IL10RB: variants seen among roughly 807,000 people sequenced by gnomAD.
IL10RB encodes the protein interleukin 10 receptor subunit beta, also known as interleukin-10 receptor subunit beta.
IL10RB carries 30 observed loss-of-function variants against 38.7 expected under a neutral mutation model. The observed-to-expected ratio is 0.78, with a 90% CI of 0.58 to 1.05. IL10RB has a LOEUF of 1.05. Among genes scored for constraint, IL10RB ranks in the 50% least tolerant of loss-of-function variants. IL10RB has a pLI of 0.00. For missense variants in IL10RB, 328 were observed against 397.1 expected, an observed-to-expected ratio of 0.83 and a Z score of 1.48; for synonymous variants, 142 against 145.9, an observed-to-expected ratio of 0.97 and a Z score of 0.19.
At position 33,296,658 on chromosome 21, in the gene IL10RB, G is replaced by A. The variant is rs1010872768; in HGVS notation, c.*301G>A. The A allele has an allele frequency of 2.0e-6, 1 of 495,110 alleles. No individual in the cohort carries two copies. The highest frequency in any genetic ancestry group is 3.9e-6 in the Non-Finnish European group (1 of 257,114). 30.7% of individuals were successfully genotyped at this position (495,110 alleles called of 1,614,324 possible). ...TAAAATAAGATCATGTTTTAATTGT[G>A]AGAAACAGGGCCGAGCACAGTGGCT... On this transcript the variant is annotated 3_prime_UTR_variant, in exon 7 of 7. Coordinates refer to ENST00000290200, the MANE Select transcript of IL10RB (RefSeq NM_000628.5).
intron 1 of IL10RB, 122 bp from the exon 2 acceptor site, chr21:33,268,272 T>G: frequency 6.4e-7 from 1 of 1,563,922 alleles, no homozygotes; most frequent in Non-Finnish European, 8.7e-7. Flanking sequence ...TCTCCCTCCC[T>G]CACCCACGTG....
chr21:33,292,458 G>A (rs752390295), intron 6 of IL10RB, among the ~76,000 whole-genome samples: 5 of 152,084 alleles, frequency 3.3e-5, no homozygotes, highest in African/African-American at 7.2e-5. Flanking sequence ...ACACAGACAC[G>A]GTGCGACAGG....
chr21:33,267,237 C>T (rs982857048), intron 1 of IL10RB, among the ~76,000 whole-genome samples: 2 of 152,014 alleles, frequency 1.3e-5, no homozygotes, highest in Non-Finnish European at 1.5e-5. Context: ...GCTTGGGACC[C>T]TCCTGCTCTG....
At chr21:33,306,024 G>A (rs1200091225) in intron 1 of IL10RB, among the ~76,000 whole-genome samples, 1 of 152,038 alleles carries the variant, frequency 6.6e-6, no homozygotes, top group Non-Finnish European at 1.5e-5. Context: ...TAGAGTAAGT[G>A]TTTTACCATG....
At chr21:33,278,674 C>G (rs1989224647) in intron 3 of IL10RB, among the ~76,000 whole-genome samples, 1 of 152,176 alleles carries the variant, frequency 6.6e-6, no homozygotes, top group South Asian at 2.1e-4. Context: ...CTTCTGTGCT[C>G]TTAGCAACTA....
At position 33,302,836 on chromosome 21, in the gene IL10RB, C is replaced by T. The variant is rs117365268; in HGVS notation, c.130-6140C>T. Among the ~76,000 whole-genome samples the T allele has an allele frequency of 2.4e-3, 365 of 152,270 alleles. 1 individual carries two copies. Among genetic ancestry groups the T allele is most frequent in the Non-Finnish European group, 3.6e-3 (243 of 68,024 alleles). Reference sequence around the variant, plus strand: ...GCCTGTAGACAGGAAATGAGGAGTCCGGCTCCTAGTTAGAATCCCAGGGCT... The same window carrying T: ...GCCTGTAGACAGGAAATGAGGAGTCTGGCTCCTAGTTAGAATCCCAGGGCT... On this transcript the variant is annotated intron_variant, in intron 1 of 1. Coordinates refer to the IL10RB transcript ENST00000609556.
intron 2 of IL10RB, among the ~76,000 whole-genome samples, 165 bp downstream of exon 2, chr21:33,268,682 G>C (rs1339777514): frequency 6.6e-6 from 1 of 152,160 alleles, no homozygotes; most frequent in Non-Finnish European, 1.5e-5. Context: ...GGAAATTCTC[G>C]TGGCCACCTT....
intron 6 of IL10RB, among the ~76,000 whole-genome samples, chr21:33,294,708 A>G (rs1437916699): frequency 6.6e-6 from 1 of 152,202 alleles, no homozygotes; most frequent in East Asian, 1.9e-4. Context: ...CAGAAGGCTG[A>G]GTGTAGAAAT....
At chr21:33,305,215 T>A (rs1239797830) in intron 1 of IL10RB, among the ~76,000 whole-genome samples, 1 of 152,156 alleles carries the variant, frequency 6.6e-6, no homozygotes, top group Non-Finnish European at 1.5e-5. Context: ...CTCAGGTGAT[T>A]ATCCCACCTC....
intron 3 of IL10RB, among the ~76,000 whole-genome samples, chr21:33,277,172 G>A (rs1009501938): frequency 2.0e-5 from 3 of 152,112 alleles, no homozygotes; most frequent in Non-Finnish European, 2.9e-5. Flanking sequence ...CAGCCGGCTT[G>A]CCCAGAGCGA....
intron 2 of IL10RB, among the ~76,000 whole-genome samples, chr21:33,272,164 T>C (rs1422927626): frequency 6.6e-6 from 1 of 152,162 alleles, no homozygotes; most frequent in Non-Finnish European, 1.5e-5. Flanking sequence ...CTATCTACTT[T>C]TTGCAAGGGA....
chr21:33,279,728 C>G (rs1289262891), intron 3 of IL10RB, 24 bp from the exon 4 acceptor site: 2 of 1,608,286 alleles, frequency 1.2e-6, no homozygotes, highest in Admixed American at 3.3e-5. Flanking sequence ...TTTTGATTGT[C>G]ATTTTGCTTG....
At chr21:33,295,608 G>T (rs1226759278) in intron 6 of IL10RB, among the ~76,000 whole-genome samples, 2 of 147,496 alleles carry the variant, frequency 1.4e-5, no homozygotes, top group Admixed American at 1.4e-4. Flanking sequence ...GGAGGCAAAG[G>T]TTGCAGTGAG....
At chr21:33,275,317 G>A (rs758170454) in intron 2 of IL10RB, among the ~76,000 whole-genome samples, 12 of 151,906 alleles carry the variant, frequency 7.9e-5, no homozygotes, top group Non-Finnish European at 1.2e-4. Flanking sequence ...CACCATGCCC[G>A]GCTAATTTTT....
chr21:33,305,210 G>T (rs186270004), intron 1 of IL10RB, among the ~76,000 whole-genome samples: 92 of 152,230 alleles, frequency 6.0e-4, no homozygotes, highest in African/African-American at 2.2e-3. Flanking sequence ...CCAGGCTCAG[G>T]TGATTATCCC....
chr21:33,276,045 G>A (rs1250847486), intron 2 of IL10RB, among the ~76,000 whole-genome samples: 2 of 152,202 alleles, frequency 1.3e-5, no homozygotes, highest in Non-Finnish European at 2.9e-5. Flanking sequence ...TGGAAAAATG[G>A]CACCAATAGA....
chr21:33,276,662 C>T lies in IL10RB; in HGVS notation c.240C>T (p.Ser80=). The T allele has an allele frequency of 6.2e-7, 1 of 1,612,520 alleles. No homozygotes were observed. The highest frequency in any genetic ancestry group is 2.2e-5 in the East Asian group (1 of 44,882). Reference sequence around the variant, plus strand: ...CGGAATGTGATTTCTCAAGTCTTTCCAAGTATGGTGACCACACCTTGAGAG... The same window carrying T: ...CGGAATGTGATTTCTCAAGTCTTTCTAAGTATGGTGACCACACCTTGAGAG... ...TLTECDFSSL[S]KYGDHTLRVR... The change falls in exon 3 of 7, where the codon TCC becomes TCT. Residue 80 remains serine, a synonymous_variant. Transcript: ENST00000290200.
At chr21:33,268,970 C>T (rs1989024955) in intron 2 of IL10RB, among the ~76,000 whole-genome samples, 1 of 152,104 alleles carries the variant, frequency 6.6e-6, no homozygotes, top group Admixed American at 6.5e-5. Flanking sequence ...TCAGGAAGCC[C>T]CTTGCTACCA....
At chr21:33,302,559 A>T (rs1161614370) in intron 1 of IL10RB, among the ~76,000 whole-genome samples, 1 of 152,240 alleles carries the variant, frequency 6.6e-6, no homozygotes, top group African/African-American at 2.4e-5. Flanking sequence ...CAGGGAACCC[A>T]GCCTAATCTA....
Sources: allele counts gnomAD v4.1 joint callset (sites outside exome capture counted in the v4.1 genomes callset), GRCh38; gene constraint gnomAD v4.1.1; transcripts MANE v1.5; gene names NCBI Gene and HGNC (gene_info 2026-07-23, HGNC 2026-07-21).